ANKS1B: variants seen among roughly 807,000 people sequenced by gnomAD.
ANKS1B encodes ankyrin repeat and sterile alpha motif domain containing 1B.
Under a neutral mutation model 148.3 loss-of-function variants are expected in ANKS1B, and 36 were observed. That is an observed-to-expected ratio of 0.24 (90% CI 0.19 to 0.32). ANKS1B has a LOEUF of 0.32. ANKS1B is among the 10% of genes least tolerant of loss of function. The pLI is 1.00. For missense variants in ANKS1B, 1,157 were observed against 1,542.6 expected (o/e 0.75, Z 4.19); for synonymous variants, 542 against 560.8 (o/e 0.97, Z 0.47).
intron 11 of ANKS1B, among the ~76,000 whole-genome samples, chr12:99,415,925 C>T (rs543584249): frequency 4.8e-4 from 73 of 152,210 alleles, no homozygotes; most frequent in Non-Finnish European, 5.1e-4. Flanking sequence ...CCTCGTGATC[C>T]ACCCACCTTG....
chr12:98,845,371 G>A (rs2099448679), intron 17 of ANKS1B, among the ~76,000 whole-genome samples: 1 of 152,134 alleles, frequency 6.6e-6, no homozygotes, highest in Non-Finnish European at 1.5e-5. Flanking sequence ...TGGCTCAAGT[G>A]AGACAATTTT....
chr12:99,389,427 G>T (rs1184169100), intron 12 of ANKS1B, among the ~76,000 whole-genome samples: 1 of 152,116 alleles, frequency 6.6e-6, no homozygotes, highest in Admixed American at 6.5e-5. Context: ...GGGGAAGGAG[G>T]GGATTTTCTC....
In ANKS1B at chr12:99,407,938, G is replaced by T. The variant is rs920510175; in HGVS notation, c.1576-8127C>A. On this transcript the variant is annotated intron_variant, in intron 11 of 26. Coordinates refer to ENST00000683438, the MANE Select transcript of ANKS1B (RefSeq NM_001352186.2). ...TCCATACTACCTAAAGCAATCTACA[G>T]ATTCAATGCAATCATTAACAAAATA... Among the ~76,000 whole-genome samples, 15 of 145,834 alleles carry T rather than the reference G, an allele frequency of 1.0e-4. 2 individuals are homozygous for T. Among genetic ancestry groups the T allele is most frequent in the African/African-American group, 3.9e-4 (15 of 38,458 alleles).
intron 9 of ANKS1B, among the ~76,000 whole-genome samples, chr12:99,646,196 C>G (rs1183345637): frequency 6.6e-6 from 1 of 151,978 alleles, no homozygotes; most frequent in South Asian, 2.1e-4. Context: ...GTAACATAGA[C>G]TTGAAGTGGA....
At chr12:98,803,812 C>A (rs2099026757) in intron 20 of ANKS1B, among the ~76,000 whole-genome samples, 1 of 152,184 alleles carries the variant, frequency 6.6e-6, no homozygotes, top group Non-Finnish European at 1.5e-5. Flanking sequence ...CTAATTGTTC[C>A]ATTAACTCAC....
At chr12:98,795,581 T>A in intron 22 of ANKS1B, 1 of 438,752 alleles carries the variant, frequency 2.3e-6, no homozygotes, top group South Asian at 1.7e-5. Context: ...TATGTGGTTT[T>A]CTTTTAAAAA....
At chr12:99,826,978 G>A (rs566794583) in intron 1 of ANKS1B, among the ~76,000 whole-genome samples, 98 of 152,076 alleles carry the variant, frequency 6.4e-4, no homozygotes, top group Non-Finnish European at 1.5e-5. Context: ...AATTAGTCAG[G>A]TGCGGTGGTG....
At chr12:99,588,047 T>C (rs991139003) in intron 9 of ANKS1B, among the ~76,000 whole-genome samples, 12 of 152,138 alleles carry the variant, frequency 7.9e-5, no homozygotes, top group African/African-American at 2.9e-4. Flanking sequence ...CTTTCTATAG[T>C]GGAGAAAGTC....
At chr12:99,561,836 C>T (rs1392704536) in intron 9 of ANKS1B, among the ~76,000 whole-genome samples, 3 of 152,130 alleles carry the variant, frequency 2.0e-5, no homozygotes, top group African/African-American at 7.2e-5. Flanking sequence ...GATATGTTGA[C>T]CTCCTCCCAT....
At chr12:99,645,541 T>G (rs766940997) in intron 9 of ANKS1B, among the ~76,000 whole-genome samples, 2 of 152,096 alleles carry the variant, frequency 1.3e-5, no homozygotes, top group Non-Finnish European at 2.9e-5. Flanking sequence ...GGTTAAATTA[T>G]TAACCCAATG....
At chr12:98,735,002 C>A in exon 10 of ANKS1B, 1 of 388,562 alleles carries the variant, frequency 2.6e-6, no homozygotes, top group Non-Finnish European at 4.5e-6. Flanking sequence ...AATCCCAGCT[C>A]CTTGGGAGGC....
intron 11 of ANKS1B, among the ~76,000 whole-genome samples, chr12:99,412,858 A>G (rs949178183): frequency 6.6e-6 from 1 of 152,218 alleles, no homozygotes; most frequent in Non-Finnish European, 1.5e-5. Flanking sequence ...TTGCCATTTC[A>G]TCACAGATGT....
intron 17 of ANKS1B, among the ~76,000 whole-genome samples, chr12:98,928,553 A>G (rs1294383184): frequency 2.6e-5 from 4 of 152,072 alleles, no homozygotes; most frequent in Non-Finnish European, 5.9e-5. Context: ...AGCAATCTGA[A>G]TCCAGAAACA....
rs2075989611 is a variant in ANKS1B, at chr12:99,262,139, T to A, written c.1757-15275A>T. On this transcript the variant is annotated intron_variant, in intron 12 of 26. Coordinates refer to ENST00000683438, the MANE Select transcript of ANKS1B (RefSeq NM_001352186.2). ...TCCTAACGAAACCTTACTTCATAAT[T>A]TTTTCAATAAGGCCTCCATGGATCA... 2.0e-5 allele frequency among the ~76,000 whole-genome samples: 3 copies of A among 152,232 alleles called. No homozygotes were observed. The South Asian group carries it at 6.2e-4, about 32-fold the overall frequency.
chr12:98,772,107 C>A (rs936369518), intron 25 of ANKS1B, among the ~76,000 whole-genome samples: 1 of 152,132 alleles, frequency 6.6e-6, no homozygotes, highest in African/African-American at 2.4e-5. Flanking sequence ...ATGAAAATAT[C>A]GAAAAATCTC....
At chr12:99,443,563 C>T (rs1594888756) in intron 11 of ANKS1B, 110 bp downstream of exon 11, 1 of 1,119,070 alleles carries the variant, frequency 8.9e-7, no homozygotes, top group Non-Finnish European at 1.2e-6. Context: ...TTTAGAAATC[C>T]ATTGACATAC....
At chr12:99,234,717 C>T (rs1006803950) in intron 14 of ANKS1B, among the ~76,000 whole-genome samples, 1 of 151,828 alleles carries the variant, frequency 6.6e-6, no homozygotes, top group Non-Finnish European at 1.5e-5. Context: ...TAAGATCAAG[C>T]AGCTGGTAAA....
At chr12:99,221,124 G>A (rs2085063444) in intron 14 of ANKS1B, among the ~76,000 whole-genome samples, 1 of 152,104 alleles carries the variant, frequency 6.6e-6, no homozygotes, top group African/African-American at 2.4e-5. Flanking sequence ...CAGATCACGA[G>A]GTCAGGAGAT....
At chr12:99,877,357 C>CAGAT (rs1241703119) in intron 1 of ANKS1B, among the ~76,000 whole-genome samples, 1 of 152,152 alleles carries the variant, frequency 6.6e-6, no homozygotes, top group Admixed American at 6.5e-5. Context: ...TCAAACCTAT[C>CAGAT]AGATAATCTA....
Sources: allele counts gnomAD v4.1 joint callset (sites outside exome capture counted in the v4.1 genomes callset), GRCh38; gene constraint gnomAD v4.1.1; transcripts MANE v1.5; gene names NCBI Gene and HGNC (gene_info 2026-07-23, HGNC 2026-07-21).